MSRA: variants seen among roughly 807,000 people sequenced by gnomAD.
MSRA encodes mitochondrial peptide methionine sulfoxide reductase.
A neutral mutation model predicts 31.3 loss-of-function variants in MSRA; 54 were observed. The ratio of observed to expected loss-of-function variants is 1.73; its 90% CI spans 1.39 to 2.17. MSRA has a LOEUF of 2.17. MSRA is among the 30% of genes most tolerant of loss of function. The pLI, the probability that MSRA is intolerant of heterozygous loss-of-function variation, is 0.00. For missense variants in MSRA, 507 were observed against 300.9 expected (o/e 1.69, Z -5.07); for synonymous variants, 169 against 116.5 (o/e 1.45, Z -2.90).
chr8:10,290,214 C>T (rs554015475), intron 3 of MSRA, among the ~76,000 whole-genome samples: 1 of 152,210 alleles, frequency 6.6e-6, no homozygotes, highest in South Asian at 2.1e-4. Flanking sequence ...GTGAGCAGGT[C>T]CCAAGAAGCA....
chr8:10,329,319 C>T (rs547508815), intron 5 of MSRA, among the ~76,000 whole-genome samples: 13 of 152,318 alleles, frequency 8.5e-5, no homozygotes, highest in African/African-American at 2.9e-4. Context: ...GGGAAGAATC[C>T]CTCCCCGGAT....
At chr8:10,285,460 C>T (rs1399953664) in intron 3 of MSRA, among the ~76,000 whole-genome samples, 1 of 152,070 alleles carries the variant, frequency 6.6e-6, no homozygotes, top group East Asian at 1.9e-4. Flanking sequence ...TTAGCATATC[C>T]ATCACCTCAG....
At chr8:10,166,621 C>T (rs1805148947) in intron 1 of MSRA, among the ~76,000 whole-genome samples, 3 of 152,170 alleles carry the variant, frequency 2.0e-5, no homozygotes, top group Admixed American at 1.3e-4. Flanking sequence ...TTGTCTCATT[C>T]TTCAGCTTTG....
chr8:10,423,612 G>A (rs1433274241), intron 5 of MSRA, among the ~76,000 whole-genome samples: 5 of 152,162 alleles, frequency 3.3e-5, no homozygotes, highest in Admixed American at 6.5e-5. Context: ...TCTCCCTGCA[G>A]AAGAGCAAAT....
At chr8:10,331,270 G>C (rs192430468) in intron 5 of MSRA, among the ~76,000 whole-genome samples, 1 of 152,352 alleles carries the variant, frequency 6.6e-6, no homozygotes, top group African/African-American at 2.4e-5. Flanking sequence ...ACTCCATGGA[G>C]CGGGGGCAGA....
rs555364450 is a variant in MSRA at position 10,118,665 on chromosome 8, C to T, written c.142+64007C>T. Reference sequence around the variant, plus strand: ...CCCCAGTGTGCCGTGTGCTCCTTACCGCTGCCCCTGGCCTTGGCACTTTCT... The same window carrying T: ...CCCCAGTGTGCCGTGTGCTCCTTACTGCTGCCCCTGGCCTTGGCACTTTCT... On this transcript the variant is annotated intron_variant, in intron 1 of 5. Transcript: ENST00000317173. 5.9e-5 allele frequency among the ~76,000 whole-genome samples: 9 copies of T among 152,204 alleles called. No homozygotes were observed. In the South Asian group the frequency reaches 8.3e-4, roughly 14 times the overall value.
rs374613212 is a variant in MSRA, at chr8:10,054,654, A to T, written c.138A>T (p.Val46=). 6.4e-7 allele frequency: 1 copy of T among 1,562,212 alleles called. No homozygotes were observed. The highest frequency in any genetic ancestry group is 1.4e-5 in the African/African-American group (1 of 70,676). ...CGGGCCGGAAGGAACAGACCCCTGTAGCGGGTAAGCACTGGCCACACGGAA... is the reference window on the plus strand; with the variant it reads ...CGGGCCGGAAGGAACAGACCCCTGTTGCGGGTAAGCACTGGCCACACGGAA... ...ALPGRKEQTP[V]AAKHHVNGNR... is the part of the protein sequence containing the mutation. The change falls in exon 1 of 6, where the codon GTA becomes GTT. Residue 46 remains valine, a synonymous_variant. Coordinates refer to ENST00000317173, the MANE Select transcript of MSRA (RefSeq NM_012331.5).
chr8:10,075,321 T>C (rs1284051972), intron 1 of MSRA, among the ~76,000 whole-genome samples: 1 of 152,196 alleles, frequency 6.6e-6, no homozygotes, highest in Non-Finnish European at 1.5e-5. Context: ...AAAACTCTTT[T>C]AGTATAATTC....
intron 5 of MSRA, among the ~76,000 whole-genome samples, chr8:10,326,161 C>A (rs887407907): frequency 1.3e-5 from 2 of 152,176 alleles, no homozygotes; most frequent in African/African-American, 4.8e-5. Context: ...TAATAGTCTT[C>A]TTCACTAGCC....
chr8:10,265,319 C>G (rs1798689351), intron 3 of MSRA, among the ~76,000 whole-genome samples: 1 of 152,112 alleles, frequency 6.6e-6, no homozygotes, highest in African/African-American at 2.4e-5. Context: ...TTGGAAGATC[C>G]TGGGGGGAGA....
intron 2 of MSRA, among the ~76,000 whole-genome samples, chr8:10,238,205 C>G (rs1812115386): frequency 6.6e-6 from 1 of 152,192 alleles, no homozygotes; most frequent in Non-Finnish European, 1.5e-5. Flanking sequence ...CTACCCCTTG[C>G]TGGGGATATC....
intron 1 of MSRA, among the ~76,000 whole-genome samples, chr8:10,091,371 A>G (rs951831474): frequency 1.3e-5 from 2 of 152,204 alleles, no homozygotes; most frequent in African/African-American, 2.4e-5. Flanking sequence ...ATTGCCTCAC[A>G]TATTATTTTT....
At chr8:10,201,800 G>C (rs533253508) in intron 1 of MSRA, among the ~76,000 whole-genome samples, 1 of 152,176 alleles carries the variant, frequency 6.6e-6, no homozygotes, top group South Asian at 2.1e-4. Flanking sequence ...CAAGCACTGC[G>C]CTCTCAAGAT....
At chr8:10,342,385 G>A (rs941976157) in intron 5 of MSRA, among the ~76,000 whole-genome samples, 2 of 152,208 alleles carry the variant, frequency 1.3e-5, no homozygotes, top group South Asian at 4.1e-4. Context: ...ATCACACTCC[G>A]TGTAGCTTCC....
At chr8:10,419,897 C>G (rs1466627887) in intron 5 of MSRA, among the ~76,000 whole-genome samples, 6 of 152,144 alleles carry the variant, frequency 3.9e-5, no homozygotes, top group Non-Finnish European at 8.8e-5. Context: ...ATGCTTGGGG[C>G]AAGTCCTTCT....
chr8:10,356,756 C>T (rs1436135498), intron 5 of MSRA, among the ~76,000 whole-genome samples: 2 of 152,046 alleles, frequency 1.3e-5, no homozygotes, highest in East Asian at 3.9e-4. Context: ...TCTGGACTTC[C>T]TAGCCTCCAG....
At chr8:10,307,100 C>G (rs377580711) in intron 4 of MSRA, among the ~76,000 whole-genome samples, 2 of 151,668 alleles carry the variant, frequency 1.3e-5, no homozygotes, top group South Asian at 4.2e-4. Flanking sequence ...AAGCTCAGGT[C>G]TATTTTCTTT....
intron 5 of MSRA, among the ~76,000 whole-genome samples, chr8:10,345,633 T>A (rs2129154197): frequency 6.6e-6 from 1 of 152,388 alleles, no homozygotes; most frequent in Non-Finnish European, 1.5e-5. Context: ...TCTAATGTAT[T>A]TTCCAAAAAC....
intron 1 of MSRA, among the ~76,000 whole-genome samples, chr8:10,087,125 TC>T (rs1798600955): frequency 6.6e-6 from 1 of 152,194 alleles, no homozygotes; most frequent in East Asian, 1.9e-4. Context: ...TGTCTTATCT[TC>T]CTACTAGACC....
Sources: gnomAD v4.1 joint callset for allele counts (sites outside exome capture counted in the v4.1 genomes callset) on GRCh38, gnomAD v4.1.1 for gene constraint, MANE v1.5 for transcripts, NCBI Gene and HGNC (gene_info 2026-07-23, HGNC 2026-07-21) for gene names.